ZNF169: variants seen among roughly 807,000 people sequenced by gnomAD.
ZNF169 encodes the protein zinc finger protein 169.
Under a neutral mutation model 12.0 loss-of-function variants are expected in ZNF169, and 11 were observed. The observed-to-expected ratio is 0.92, with a 90% CI of 0.58 to 1.52. The LOEUF is 1.52. Ranked by LOEUF, ZNF169 falls within the 40% of genes most tolerant of loss-of-function variation. ZNF169 has a pLI of 0.00. For missense variants in ZNF169, 722 were observed against 744.0 expected (o/e 0.97, Z 0.34); for synonymous variants, 302 against 286.5 (o/e 1.05, Z -0.55).
chr9:94,275,671 C>T (rs1338640480), intron 1 of ZNF169, among the ~76,000 whole-genome samples: 2 of 152,038 alleles, frequency 1.3e-5, no homozygotes, highest in Non-Finnish European at 2.9e-5. Context: ...ATTATCTTAT[C>T]AGTGATGTAA....
chr9:94,273,145 A>G (rs1385309446), intron 1 of ZNF169, among the ~76,000 whole-genome samples: 1 of 152,092 alleles, frequency 6.6e-6, no homozygotes, highest in East Asian at 1.9e-4. Flanking sequence ...TGGTTTGCAA[A>G]TATTTTCTCT....
At chr9:94,291,054 T>A (rs1233334375) in intron 2 of ZNF169, among the ~76,000 whole-genome samples, 1 of 137,094 alleles carries the variant, frequency 7.3e-6, no homozygotes, top group South Asian at 2.5e-4. Context: ...ATTCTTTTTT[T>A]TTTTTTTTTT....
rs570714370 is a variant in ZNF169, at chr9:94,294,766, T to C, written c.256+1697T>C. The C allele has an allele frequency of 3.9e-5, 6 of 152,356 alleles. No homozygotes were observed. In the East Asian group the frequency reaches 7.7e-4, roughly 20 times the overall value. 9.4% of individuals were successfully genotyped at this position (152,356 alleles called of 1,614,324 possible). ...GATTTGACCATTCAAGGTGTTTGCCTACTTTTCAATGGGTCTATTCTTTTT... is the reference window on the plus strand; with the variant it reads ...GATTTGACCATTCAAGGTGTTTGCCCACTTTTCAATGGGTCTATTCTTTTT... On this transcript the variant is annotated intron_variant, in intron 4 of 4. Coordinates refer to ENST00000395395, the MANE Select transcript of ZNF169 (RefSeq NM_194320.4).
chr9:94,276,771 G>A (rs1036276410), intron 1 of ZNF169, among the ~76,000 whole-genome samples: 6 of 151,996 alleles, frequency 3.9e-5, no homozygotes, highest in Non-Finnish European at 5.9e-5. Flanking sequence ...TGTGTTTTTA[G>A]TGCTATCCAT....
intron 3 of ZNF169, 130 bp downstream of exon 3, chr9:94,292,597 C>T: frequency 1.0e-6 from 1 of 985,872 alleles, no homozygotes; most frequent in Non-Finnish European, 1.4e-6. Context: ...GCCTGGCTTT[C>T]ACAGTGCAGT....
chr9:94,292,909 A>T lies in ZNF169; in HGVS notation c.161-65A>T, dbSNP rs756723716. 387 of 1,433,158 alleles carry T rather than the reference A, an allele frequency of 2.7e-4. 1 individual carries two copies. The highest frequency in any genetic ancestry group is 7.1e-4 in the Middle Eastern group (4 of 5,654). 88.8% of individuals were successfully genotyped at this position (1,433,158 alleles called of 1,614,324 possible). A position where few individuals can be genotyped will look rare whatever the true frequency, so the allele number is the denominator to read the frequency against. ...TTATTGCATTCCTGGGTTGGCTCTG[A>T]GTTCTGAGATAGCCTCTTAAGCCAC... is the stretch of plus-strand genomic sequence containing the variant. On this transcript the variant is annotated intron_variant, in intron 3 of 4. Transcript: ENST00000395395.
chr9:94,299,578 C>A, intron 4 of ZNF169: 1 of 1,359,264 alleles, frequency 7.4e-7, no homozygotes, highest in Non-Finnish European at 9.4e-7. Flanking sequence ...AAATGTGTAA[C>A]TCTACTTGCA....
chr9:94,279,255 G>A (rs942623382), intron 2 of ZNF169, among the ~76,000 whole-genome samples: 3 of 152,042 alleles, frequency 2.0e-5, no homozygotes, highest in Non-Finnish European at 4.4e-5. Context: ...GCTGGGCGTG[G>A]TGGTGGGCGC....
Position 94,292,965 on chromosome 9 carries a change from T to C in ZNF169, c.161-9T>C, listed in dbSNP as rs753886313. Reference sequence around the variant, plus strand: ...CAAGATCACCTTGGTTTTTTTTTCCTGTGAGTAGGAATTGCATTTTCCAAA... The same window carrying C: ...CAAGATCACCTTGGTTTTTTTTTCCCGTGAGTAGGAATTGCATTTTCCAAA... On this transcript the variant is annotated splice_polypyrimidine_tract_variant and intron_variant, in intron 3 of 4. Transcript: ENST00000395395. 1.9e-6 allele frequency: 3 copies of C among 1,603,584 alleles called. No homozygotes were observed. In the South Asian group the frequency reaches 3.3e-5, roughly 18 times the overall value.
intron 2 of ZNF169, among the ~76,000 whole-genome samples, chr9:94,286,349 C>T (rs1207399791): frequency 2.0e-5 from 3 of 152,148 alleles, no homozygotes; most frequent in East Asian, 1.9e-4. Flanking sequence ...ATAATCATAG[C>T]CATGCGTATA....
chr9:94,299,723 C>A, intron 4 of ZNF169, 92 bp from the exon 5 acceptor site: 2 of 1,511,450 alleles, frequency 1.3e-6, no homozygotes, highest in South Asian at 1.4e-5. Flanking sequence ...GAAGATAAGT[C>A]TTTGTTGTGA....
chr9:94,296,821 G>A lies in ZNF169; in HGVS notation c.257-2994G>A, dbSNP rs780552667. The stretch of plus-strand genomic sequence containing the variant: ...TCTTCTTTGGGAAGCTTAGGCAGGC[G>A]GATCACAAGGTCAGGAGTTCGAGAC... On this transcript the variant is annotated intron_variant, in intron 4 of 4. Transcript: ENST00000395395. The A allele has an allele frequency of 3.6e-4, 163 of 456,442 alleles. 1 individual carries two copies. Among genetic ancestry groups the A allele is most frequent in the Non-Finnish European group, 5.4e-4 (122 of 226,924 alleles). The allele number at this position is 456,442 out of a possible 1,614,324, so 28.3% of individuals were successfully genotyped here. A position where few individuals can be genotyped will look rare whatever the true frequency, so the allele number is the denominator to read the frequency against.
intron 1 of ZNF169, among the ~76,000 whole-genome samples, chr9:94,270,669 A>G (rs1311544273): frequency 3.6e-5 from 3 of 83,052 alleles, no homozygotes; most frequent in Non-Finnish European, 7.5e-5. Context: ...AAATATATAT[A>G]CTATATAAAT....
chr9:94,285,752 G>A (rs1830709994), intron 2 of ZNF169, among the ~76,000 whole-genome samples: 1 of 152,184 alleles, frequency 6.6e-6, no homozygotes, highest in South Asian at 2.1e-4. Flanking sequence ...GCTCACGCCT[G>A]TAATCCCAGC....
intron 1 of ZNF169, among the ~76,000 whole-genome samples, chr9:94,272,732 A>G (rs1358581777): frequency 6.6e-6 from 1 of 152,152 alleles, no homozygotes; most frequent in Non-Finnish European, 1.5e-5. Context: ...ATGTATCCAG[A>G]AGTTGGATTA....
chr9:94,291,299 G>A (rs571889089), intron 2 of ZNF169, among the ~76,000 whole-genome samples: 5 of 151,892 alleles, frequency 3.3e-5, no homozygotes, highest in South Asian at 4.2e-4. Context: ...TGATCCACCC[G>A]CCTTGTCCTC....
intron 2 of ZNF169, among the ~76,000 whole-genome samples, chr9:94,282,767 C>G (rs1010477962): frequency 3.9e-5 from 6 of 152,118 alleles, no homozygotes; most frequent in African/African-American, 1.4e-4. Flanking sequence ...ATGATACCTA[C>G]AGCATAGCAT....
At chr9:94,283,301 G>C (rs1333790658) in intron 2 of ZNF169, among the ~76,000 whole-genome samples, 1 of 152,070 alleles carries the variant, frequency 6.6e-6, no homozygotes, top group Non-Finnish European at 1.5e-5. Flanking sequence ...CCAGCTACTC[G>C]GAAGGCTGAG....
intron 2 of ZNF169, among the ~76,000 whole-genome samples, chr9:94,286,247 AAG>A (rs1483373469): frequency 6.6e-6 from 1 of 152,198 alleles, no homozygotes; most frequent in Non-Finnish European, 1.5e-5. Context: ...ACTGTTGAGA[AAG>A]AATTCTTGGA....
Sources: gnomAD v4.1 joint callset for allele counts (sites outside exome capture counted in the v4.1 genomes callset) on GRCh38, gnomAD v4.1.1 for gene constraint, MANE v1.5 for transcripts, NCBI Gene and HGNC (gene_info 2026-07-23, HGNC 2026-07-21) for gene names.